The following CTDP1 variants were observed in gnomAD, a reference collection of about 807,000 sequenced individuals.
CTDP1 encodes CTD phosphatase 1, also known as RNA polymerase II subunit A C-terminal domain phosphatase.
CTDP1 carries 47 observed loss-of-function variants against 91.8 expected under a neutral mutation model. The observed-to-expected ratio is 0.51, with a 90% confidence interval of 0.41 to 0.65. CTDP1 has a LOEUF of 0.65. Among genes scored for constraint, CTDP1 ranks in the 30% least tolerant of loss-of-function variants. The pLI is 0.00. For synonymous variants in CTDP1, 656 were observed against 598.5 expected (o/e 1.10, Z -1.40); for missense variants, 1,272 against 1,373.7 (o/e 0.93, Z 1.17).
rs774687256 is a variant in CTDP1 at position 79,714,547 on chromosome 18, G to T, written c.1087G>T (p.Glu363Ter). ...GCCATCTCCGCCCGTGAGAGACCCT[G>T]AGGGGGTAACGCAGGCCCCTGGAGT... ...SEPSPPVRDP[E>*]GVTQAPGVEP... is the part of the protein sequence containing the mutation. Residue 363 changes from glutamate (E) to a stop codon, truncating the protein, a stop_gained, in exon 8 of 13, where the codon GAG becomes TAG. Coordinates refer to ENST00000613122, the MANE Select transcript of CTDP1 (RefSeq NM_004715.5). LOFTEE classifies it high-confidence loss of function. The T allele has an allele frequency of 6.2e-7, 1 of 1,613,038 alleles. No individual in the cohort carries two copies. The highest frequency in any genetic ancestry group is 8.5e-7 in the Non-Finnish European group (1 of 1,180,048).
chr18:79,681,558 C>T, intron 1 of CTDP1: 1 of 921,840 alleles, frequency 1.1e-6, no homozygotes, highest in Non-Finnish European at 1.3e-6. Flanking sequence ...ATTGAAATTC[C>T]ATGTTCAGTC....
intron 3 of CTDP1, among the ~76,000 whole-genome samples, chr18:79,697,559 C>G (rs1476504144): frequency 3.9e-5 from 6 of 152,228 alleles, no homozygotes; most frequent in Non-Finnish European, 8.8e-5. Context: ...TTGCAGTTCA[C>G]TTTTATTGAG....
In CTDP1 at chr18:79,704,630, G is replaced by A. The variant is rs1330515549; in HGVS notation, c.622-137G>A. On this transcript the variant is annotated intron_variant, in intron 4 of 12. Coordinates refer to ENST00000613122, the MANE Select transcript of CTDP1 (RefSeq NM_004715.5). ...CCCGTGTGTCTTCAGGACGCCTGTC[G>A]GGCACACGCGTGTCTTCAGAACGCT... 1.8e-5 allele frequency: 21 copies of A among 1,154,932 alleles called. No homozygotes were observed. In the Admixed American group the frequency reaches 2.0e-4, roughly 11 times the overall value. 71.5% of individuals were successfully genotyped at this position (1,154,932 alleles called of 1,614,324 possible). A position where few individuals can be genotyped will look rare whatever the true frequency, so the allele number is the denominator to read the frequency against.
chr18:79,690,112 A>G (rs2085588929), intron 1 of CTDP1, among the ~76,000 whole-genome samples: 1 of 152,138 alleles, frequency 6.6e-6, no homozygotes, highest in Non-Finnish European at 1.5e-5. Context: ...CTACACTCAG[A>G]ATGTTGGAAC....
chr18:79,681,350 T>A, intron 1 of CTDP1: 1 of 611,798 alleles, frequency 1.6e-6, no homozygotes, highest in Non-Finnish European at 2.0e-6. Flanking sequence ...TCCCAGAAAA[T>A]GCCTTCACGG....
chr18:79,732,883 G>A lies in CTDP1; in HGVS notation c.2581-3472G>A, dbSNP rs139667852. Among the ~76,000 whole-genome samples the A allele has an allele frequency of 1.7e-3, 247 of 147,790 alleles. 1 individual carries two copies. The highest frequency in any genetic ancestry group is 5.6e-3 in the African/African-American group (224 of 40,020). On this transcript the variant is annotated intron_variant, in intron 11 of 12. Transcript: ENST00000613122. Reference sequence around the variant, plus strand: ...AAAATCATGTGAGACGTAAGAACTCGCTAACATCAGGAGTGCTCCCAAAAT... The same window carrying A: ...AAAATCATGTGAGACGTAAGAACTCACTAACATCAGGAGTGCTCCCAAAAT...
rs1204564329 is a variant in CTDP1 at position 79,679,894 on chromosome 18, G to A, written c.-54G>A. On this transcript the variant is annotated 5_prime_UTR_variant, in exon 1 of 13. Coordinates refer to ENST00000613122, the MANE Select transcript of CTDP1 (RefSeq NM_004715.5). ...GTTGTGTCGCCGCGGTAGGCGCTGC[G>A]CTCTGAGCGCAGCGCAGGCCCCGTA... 4 of 1,338,128 alleles carry A rather than the reference G, an allele frequency of 3.0e-6. No homozygotes were observed. Among genetic ancestry groups the A allele is most frequent in the Non-Finnish European group, 3.8e-6 (4 of 1,039,478 alleles). The allele number at this position is 1,338,128 out of a possible 1,614,324, so 82.9% of individuals were successfully genotyped here. A position where few individuals can be genotyped will look rare whatever the true frequency, so the allele number is the denominator to read the frequency against.
At chr18:79,694,582 C>G (rs1466674086) in intron 1 of CTDP1, among the ~76,000 whole-genome samples, 3 of 147,768 alleles carry the variant, frequency 2.0e-5, no homozygotes, top group African/African-American at 5.0e-5. Context: ...GCTGGGTGGT[C>G]TCATGTTCGC....
rs932595680 is a variant in CTDP1, at chr18:79,680,342, G to C, written c.314+81G>C. 491 of 1,151,474 alleles carry C rather than the reference G, an allele frequency of 4.3e-4. 3 individuals are homozygous for C. The East Asian group carries it at 0.016, about 38-fold the overall frequency. 71.3% of individuals were successfully genotyped at this position (1,151,474 alleles called of 1,614,324 possible). A position where few individuals can be genotyped will look rare whatever the true frequency, so the allele number is the denominator to read the frequency against. ...GGAGGACCCCCGGGCTGCTGCGTCC[G>C]CGGTGGGCAGGGGCGCCCCTGGTGA... On this transcript the variant is annotated intron_variant, in intron 1 of 12. Coordinates refer to ENST00000613122, the MANE Select transcript of CTDP1 (RefSeq NM_004715.5).
chr18:79,743,846 G>T (rs907235275), intron 12 of CTDP1, among the ~76,000 whole-genome samples: 1 of 152,202 alleles, frequency 6.6e-6, no homozygotes, highest in Non-Finnish European at 1.5e-5. Context: ...GTGAAAGGAG[G>T]ATAAACCTTG....
At chr18:79,742,277 T>C (rs10468808) in intron 12 of CTDP1, among the ~76,000 whole-genome samples, 48 of 131,592 alleles carry the variant, frequency 3.6e-4, no homozygotes, top group African/African-American at 1.4e-3. Context: ...AGGTGTGAGG[T>C]GTCCACGAGA....
Position 79,692,690 on chromosome 18 carries a change from C to G in CTDP1, c.315-2535C>G, listed in dbSNP as rs571571241. ...TGGGGCAGGGGGTAGAGCGAGGAGC[C>G]CGCCGTGAGCTGGTGTCCTGCGTGG... On this transcript the variant is annotated intron_variant, in intron 1 of 12. Transcript: ENST00000613122. Among the ~76,000 whole-genome samples the G allele has an allele frequency of 2.0e-5, 3 of 152,118 alleles. No individual in the cohort carries two copies. The East Asian group carries it at 5.8e-4, about 29-fold the overall frequency.
At chr18:79,736,216 G>T in intron 11 of CTDP1, 139 bp from the exon 12 acceptor site, 1 of 1,114,964 alleles carries the variant, frequency 9.0e-7, no homozygotes, top group Non-Finnish European at 1.3e-6. Context: ...CAAGCCCCAG[G>T]GCTCAGGTAG....
intron 1 of CTDP1, among the ~76,000 whole-genome samples, chr18:79,693,317 T>C (rs1237343352): frequency 2.6e-5 from 4 of 152,162 alleles, no homozygotes; most frequent in Admixed American, 6.5e-5. Context: ...ATTGGGGCAT[T>C]TTAGGGCAGA....
intron 4 of CTDP1, among the ~76,000 whole-genome samples, chr18:79,702,182 G>A (rs1253011917): frequency 6.6e-6 from 1 of 152,138 alleles, no homozygotes; most frequent in Non-Finnish European, 1.5e-5. Context: ...AGAGTTGATT[G>A]ATGGGACAAA....
At chr18:79,698,496 T>C in intron 4 of CTDP1, among the ~76,000 whole-genome samples, 1 of 151,986 alleles carries the variant, frequency 6.6e-6, no homozygotes, top group South Asian at 2.1e-4. Context: ...AAATGCAGGG[T>C]GAGGGCAGAA....
intron 11 of CTDP1, 142 bp downstream of exon 11, chr18:79,729,211 C>G (rs2086515054): frequency 9.2e-7 from 1 of 1,086,636 alleles, no homozygotes; most frequent in Admixed American, 1.8e-5. Context: ...TGGTTTGGGA[C>G]GAGCACTTGT....
At chr18:79,706,891 C>T (rs1335987369) in intron 5 of CTDP1, among the ~76,000 whole-genome samples, 4 of 152,268 alleles carry the variant, frequency 2.6e-5, no homozygotes, top group Admixed American at 6.5e-5. Flanking sequence ...GTGACCTGCA[C>T]GTCTGAGTCC....
rs766311825 is a variant in CTDP1, at chr18:79,718,010, C to A, written c.2411C>A (p.Ser804Tyr). 1.2e-6 allele frequency: 2 copies of A among 1,613,182 alleles called. No homozygotes were observed. Among genetic ancestry groups the A allele is most frequent in the Middle Eastern group, 1.6e-4 (1 of 6,062 alleles). ...CTACCCATCCGCCAGGAGCCCTCTT[C>A]CTTCAGGTACGTGGCGGCCCAGCCA... ...SSLPIRQEPS[S>Y]FRAVPPPQPQ... Residue 804 changes from serine (S) to tyrosine (Y), a missense_variant, in exon 10 of 13, where the codon TCC (serine) becomes TAC (tyrosine). Around this residue, in one of 3 missense-constraint regions of CTDP1, gnomAD observed 881 missense variants for 911.6 expected, o/e 0.97. Transcript: ENST00000613122.
Sources: gnomAD v4.1 joint callset for allele counts (sites outside exome capture counted in the v4.1 genomes callset) on GRCh38, gnomAD v4.1.1 for gene constraint, gnomAD v4.1.1 regional missense constraint, MANE v1.5 for transcripts, NCBI Gene and HGNC (gene_info 2026-07-23, HGNC 2026-07-21) for gene names.